Variants in FAM163A observed in about 807,000 individuals in gnomAD.
FAM163A encodes the protein family with sequence similarity 163 member A, also known as protein FAM163A.
FAM163A carries 7 observed loss-of-function variants against 12.0 expected under a neutral mutation model. The ratio of observed to expected loss-of-function variants is 0.58; its 90% CI spans 0.33 to 1.10. FAM163A has a LOEUF of 1.10. Ranked by LOEUF, FAM163A falls within the 50% of genes least tolerant of loss-of-function variation. FAM163A has a pLI of 0.03. For missense variants in FAM163A, 202 were observed against 218.6 expected (o/e 0.92, Z 0.48); for synonymous variants, 101 against 91.0 (o/e 1.11, Z -0.62).
chr1:179,802,606 CT>C (rs1223067574), intron 1 of FAM163A, among the ~76,000 whole-genome samples: 1 of 152,188 alleles, frequency 6.6e-6, no homozygotes, highest in African/African-American at 2.4e-5. Context: ...AGCAGAATTG[CT>C]GTTTCATGGG....
chr1:179,789,972 A>G (rs1190374828), intron 1 of FAM163A, among the ~76,000 whole-genome samples: 1 of 152,218 alleles, frequency 6.6e-6, no homozygotes. Flanking sequence ...AGCAACCCCC[A>G]GAATGTTTTA....
At chr1:179,742,880 C>T (rs1291306139), upstream of FAM163A, among the ~76,000 whole-genome samples, 1 of 152,168 alleles carries the variant, frequency 6.6e-6, no homozygotes, top group East Asian at 1.9e-4. Context: ...ATTTCCAGGG[C>T]ACAGTGCGGG....
rs1557990613 is a variant in FAM163A at position 179,815,112 on chromosome 1, CA to C, written c.*924del. ...GTGTACGCACGCGCGCGCGCGCGCACAGACACACACACACACACACACACAC... is the reference window on the plus strand; with the variant it reads ...GTGTACGCACGCGCGCGCGCGCGCACGACACACACACACACACACACACAC... On this transcript the variant is annotated 3_prime_UTR_variant, in exon 5 of 5. Coordinates refer to ENST00000341785, the MANE Select transcript of FAM163A (RefSeq NM_173509.3). 34 of 65,936 alleles carry C rather than the reference CA, an allele frequency of 5.2e-4. No homozygotes were observed. Among genetic ancestry groups the C allele is most frequent in the African/African-American group, 1.9e-3 (27 of 14,582 alleles). 4.1% of individuals were successfully genotyped at this position (65,936 alleles called of 1,614,324 possible). A position where few individuals can be genotyped will look rare whatever the true frequency, so the allele number is the denominator to read the frequency against.
At chr1:179,764,022 T>A (rs1687155973) in intron 1 of FAM163A, among the ~76,000 whole-genome samples, 1 of 151,606 alleles carries the variant, frequency 6.6e-6, no homozygotes, top group Non-Finnish European at 1.5e-5. Context: ...AGAGAGAGAG[T>A]GCATGCTCTT....
upstream of FAM163A, among the ~76,000 whole-genome samples, chr1:179,739,330 T>G (rs1223797946): frequency 6.6e-6 from 1 of 152,114 alleles, no homozygotes; most frequent in Non-Finnish European, 1.5e-5. Flanking sequence ...TATCAAAATT[T>G]AAAAATTTCT....
intron 1 of FAM163A, among the ~76,000 whole-genome samples, chr1:179,747,396 G>A (rs1684645977): frequency 6.6e-6 from 1 of 152,212 alleles, no homozygotes. Flanking sequence ...AGGGGATGGG[G>A]GAGATATTAG....
intron 1 of FAM163A, among the ~76,000 whole-genome samples, chr1:179,782,917 C>G (rs191334415): frequency 6.6e-6 from 1 of 152,286 alleles, no homozygotes; most frequent in Admixed American, 6.5e-5. Flanking sequence ...GTGTGCATTT[C>G]CAGCAACTTG....
intron 1 of FAM163A, among the ~76,000 whole-genome samples, chr1:179,795,542 T>G (rs1171328686): frequency 6.6e-6 from 1 of 152,244 alleles, no homozygotes; most frequent in East Asian, 1.9e-4. Flanking sequence ...TGCCATCGGA[T>G]GACCCCCACC....
intron 1 of FAM163A, among the ~76,000 whole-genome samples, chr1:179,756,500 G>A (rs1484602277): frequency 6.6e-6 from 1 of 152,214 alleles, no homozygotes; most frequent in Non-Finnish European, 1.5e-5. Context: ...TAGAAATACA[G>A]GAGGAAAAGT....
chr1:179,744,844 C>T (rs1448729142), intron 1 of FAM163A, among the ~76,000 whole-genome samples: 1 of 152,196 alleles, frequency 6.6e-6, no homozygotes, highest in African/African-American at 2.4e-5. Context: ...CCTCTAGCAG[C>T]TGAGCCAGAC....
At chr1:179,753,434 G>C (rs905751558) in intron 1 of FAM163A, among the ~76,000 whole-genome samples, 6 of 152,172 alleles carry the variant, frequency 3.9e-5, no homozygotes, top group Non-Finnish European at 1.5e-5. Context: ...TAGGTCTCAT[G>C]TTAAGTATTC....
intron 1 of FAM163A, among the ~76,000 whole-genome samples, chr1:179,791,610 G>A (rs1341087406): frequency 2.0e-5 from 3 of 152,228 alleles, no homozygotes; most frequent in Non-Finnish European, 4.4e-5. Flanking sequence ...CCACATTTCA[G>A]CATGGAGCTG....
chr1:179,772,928 C>T (rs1244932008), intron 1 of FAM163A, among the ~76,000 whole-genome samples: 3 of 151,042 alleles, frequency 2.0e-5, no homozygotes, highest in Admixed American at 6.6e-5. Flanking sequence ...AAAAGGAGGA[C>T]TCTTCCAGCT....
intron 1 of FAM163A, among the ~76,000 whole-genome samples, chr1:179,751,534 G>A (rs74599091): frequency 0.028 from 4,245 of 152,250 alleles, 94 homozygotes; most frequent in Non-Finnish European, 0.046. Context: ...AATTGGTGGA[G>A]GAGAAAATGG....
chr1:179,793,358 C>T (rs748503969), intron 1 of FAM163A, among the ~76,000 whole-genome samples: 1 of 152,216 alleles, frequency 6.6e-6, no homozygotes, highest in Admixed American at 6.5e-5. Context: ...GCAGGTTATA[C>T]TTTCCAAAAT....
At chr1:179,744,818 C>A (rs1303626011) in intron 1 of FAM163A, among the ~76,000 whole-genome samples, 2 of 152,212 alleles carry the variant, frequency 1.3e-5, no homozygotes, top group Non-Finnish European at 2.9e-5. Context: ...GCAGTTGCGT[C>A]TGTGTCCTGC....
At chr1:179,760,525 A>C (rs116410629) in intron 1 of FAM163A, among the ~76,000 whole-genome samples, 1,927 of 152,266 alleles carry the variant, frequency 0.013, 43 homozygotes, top group African/African-American at 0.044. Context: ...AAAGTGGGGG[A>C]GAATGGGCAT....
In FAM163A at chr1:179,756,864, T is replaced by C. The variant is rs533410458; in HGVS notation, c.-136+13441T>C. Among the ~76,000 whole-genome samples, 80 of 152,192 alleles carry C rather than the reference T, an allele frequency of 5.3e-4. 1 individual carries two copies. Among genetic ancestry groups the C allele is most frequent in the Non-Finnish European group, 9.4e-4 (64 of 68,004 alleles). On this transcript the variant is annotated intron_variant, in intron 1 of 4. Transcript: ENST00000341785. ...ATAACAAGTTTCCAGTAGGAGTGTC[T>C]AGTCAGCAGAAGAGTGTTTGGGAGG...
chr1:179,760,585 G>T (rs140812509), intron 1 of FAM163A, among the ~76,000 whole-genome samples: 2 of 152,312 alleles, frequency 1.3e-5, no homozygotes, highest in African/African-American at 4.8e-5. Context: ...CAACAGCATG[G>T]CAGGGCAGAA....
Sources: allele counts gnomAD v4.1 joint callset (sites outside exome capture counted in the v4.1 genomes callset), GRCh38; gene constraint gnomAD v4.1.1; transcripts MANE v1.5; gene names NCBI Gene and HGNC (gene_info 2026-07-23, HGNC 2026-07-21).